Variants in KCNH1 observed in about 807,000 individuals in gnomAD.
KCNH1 encodes the protein potassium voltage-gated channel subfamily H member 1, also known as voltage-gated delayed rectifier potassium channel KCNH1.
In KCNH1, 27 loss-of-function variants were observed where a neutral mutation model predicts 69.2. The observed-to-expected ratio is 0.39, with a 90% CI of 0.29 to 0.54. The LOEUF is 0.54. Ranked by LOEUF, KCNH1 falls within the 20% of genes least tolerant of loss-of-function variation. KCNH1 has a pLI of 0.68. For synonymous variants in KCNH1, 456 were observed against 487.7 expected (o/e 0.93, Z 0.86); for missense variants, 798 against 1,261.6 (o/e 0.63, Z 5.57).
chr1:210,963,012 C>A (rs1037352802), intron 6 of KCNH1, among the ~76,000 whole-genome samples: 3 of 151,358 alleles, frequency 2.0e-5, no homozygotes, highest in Non-Finnish European at 2.9e-5. Context: ...GGGTTCTTTG[C>A]CATTTTCTTA....
chr1:211,091,522 T>C (rs1691051287), intron 3 of KCNH1, among the ~76,000 whole-genome samples: 2 of 152,032 alleles, frequency 1.3e-5, no homozygotes, highest in Non-Finnish European at 2.9e-5. Flanking sequence ...AAAGATCCAA[T>C]ACAATGGTAA....
chr1:211,112,503 A>T (rs1691491734), intron 1 of KCNH1, among the ~76,000 whole-genome samples: 1 of 54,238 alleles, frequency 1.8e-5, no homozygotes, highest in Non-Finnish European at 3.2e-5. Context: ...TAAATAAATA[A>T]AAAAAAAAAA....
chr1:210,987,445 G>A (rs1276303950), intron 6 of KCNH1, among the ~76,000 whole-genome samples: 2 of 152,094 alleles, frequency 1.3e-5, no homozygotes, highest in Non-Finnish European at 2.9e-5. Flanking sequence ...TGATGGTGAC[G>A]TACAGATGGG....
intron 10 of KCNH1, among the ~76,000 whole-genome samples, chr1:210,708,924 C>G (rs974364382): frequency 6.6e-6 from 1 of 152,098 alleles, no homozygotes; most frequent in Admixed American, 6.6e-5. Context: ...GGCTCAAGAC[C>G]AGGGAATCCT....
At chr1:210,906,279 G>A (rs1387077459) in intron 7 of KCNH1, among the ~76,000 whole-genome samples, 3 of 152,206 alleles carry the variant, frequency 2.0e-5, no homozygotes, top group African/African-American at 7.2e-5. Context: ...AATTTCATAT[G>A]GAGCAAGCAG....
At chr1:210,973,974 A>C (rs1688557158) in intron 6 of KCNH1, among the ~76,000 whole-genome samples, 1 of 152,014 alleles carries the variant, frequency 6.6e-6, no homozygotes, top group South Asian at 2.1e-4. Context: ...TCTATTACTG[A>C]GTTATTTTCC....
At position 210,772,510 on chromosome 1, in the gene KCNH1, C is replaced by CTT. The variant is rs35948855; in HGVS notation, c.2112+2836_2112+2837dup. ...ATGGCAATAATAAAATGACAAGCCT[C>CTT]TTTTTTTTTTTTTCCAAAAAAGAAT... On this transcript the variant is annotated intron_variant, in intron 10 of 10. Transcript: ENST00000271751. 2.1e-3 allele frequency among the ~76,000 whole-genome samples: 308 copies of CTT among 143,964 alleles called. 3 individuals carry two copies. Among genetic ancestry groups the CTT allele is most frequent in the African/African-American group, 7.5e-3 (297 of 39,670 alleles). 94.4% of individuals were successfully genotyped at this position (143,964 alleles called of 152,430 possible).
intron 7 of KCNH1, among the ~76,000 whole-genome samples, chr1:210,886,756 G>A (rs1413782989): frequency 6.6e-6 from 1 of 151,802 alleles, no homozygotes; most frequent in Non-Finnish European, 1.5e-5. Context: ...ATATACACAA[G>A]TATCAGTAAC....
At chr1:210,914,311 T>C (rs1318934939) in intron 7 of KCNH1, among the ~76,000 whole-genome samples, 1 of 152,176 alleles carries the variant, frequency 6.6e-6, no homozygotes. Context: ...AAGAATATCT[T>C]TACAGCCTCC....
At chr1:210,971,941 T>C (rs1474300281) in intron 6 of KCNH1, among the ~76,000 whole-genome samples, 1 of 152,116 alleles carries the variant, frequency 6.6e-6, no homozygotes. Flanking sequence ...CTTTAACAAA[T>C]ACATGTGATG....
intron 6 of KCNH1, among the ~76,000 whole-genome samples, chr1:211,009,207 G>T (rs1160242699): frequency 6.6e-6 from 1 of 152,132 alleles, no homozygotes; most frequent in African/African-American, 2.4e-5. Flanking sequence ...TGAGAACTGA[G>T]ATCTGACCAT....
intron 7 of KCNH1, among the ~76,000 whole-genome samples, chr1:210,827,263 G>C (rs1685051683): frequency 1.3e-5 from 2 of 152,110 alleles, no homozygotes; most frequent in Admixed American, 1.3e-4. Flanking sequence ...TTGAACCTGG[G>C]AGATGGAGGT....
chr1:210,873,971 A>G (rs1686310256), intron 7 of KCNH1, among the ~76,000 whole-genome samples: 1 of 152,182 alleles, frequency 6.6e-6, no homozygotes, highest in African/African-American at 2.4e-5. Context: ...TCACTGGTCT[A>G]ACTTAGTTTT....
At chr1:210,923,341 T>A (rs908358981) in intron 6 of KCNH1, among the ~76,000 whole-genome samples, 3 of 152,212 alleles carry the variant, frequency 2.0e-5, no homozygotes, top group Admixed American at 2.0e-4. Flanking sequence ...CTCCCACTCC[T>A]ACTGCCTCTG....
chr1:211,115,234 C>T (rs1018551207), intron 1 of KCNH1, among the ~76,000 whole-genome samples: 3 of 152,158 alleles, frequency 2.0e-5, no homozygotes, highest in Admixed American at 6.5e-5. Context: ...AGTGATCCAC[C>T]GGCCTTGGCC....
At chr1:210,868,627 A>C (rs937460398) in intron 7 of KCNH1, among the ~76,000 whole-genome samples, 1 of 152,046 alleles carries the variant, frequency 6.6e-6, no homozygotes, top group African/African-American at 2.4e-5. Flanking sequence ...ATTTGTTGAA[A>C]GCCTATTTCC....
At chr1:210,721,537 A>G (rs56102016) in intron 10 of KCNH1, among the ~76,000 whole-genome samples, 25,167 of 152,274 alleles carry the variant, frequency 0.17, 2,804 homozygotes, top group Non-Finnish European at 0.25. Context: ...ATAGAAGTTG[A>G]TGGCCGAAAT....
At chr1:210,764,719 G>T (rs1171955789) in intron 10 of KCNH1, among the ~76,000 whole-genome samples, 1 of 152,108 alleles carries the variant, frequency 6.6e-6, no homozygotes, top group Non-Finnish European at 1.5e-5. Context: ...ATAACAGATG[G>T]TAAGGTTGGG....
At chr1:210,844,060 G>C (rs996762668) in intron 7 of KCNH1, among the ~76,000 whole-genome samples, 2 of 152,152 alleles carry the variant, frequency 1.3e-5, no homozygotes, top group African/African-American at 4.8e-5. Context: ...AGCAGCAACT[G>C]GTGCCCTTAG....
Sources: allele counts gnomAD v4.1 joint callset (sites outside exome capture counted in the v4.1 genomes callset), GRCh38; gene constraint gnomAD v4.1.1; transcripts MANE v1.5; gene names NCBI Gene and HGNC (gene_info 2026-07-23, HGNC 2026-07-21).